ZNF804B: variants seen among roughly 807,000 people sequenced by gnomAD.
ZNF804B encodes zinc finger 804B.
Under a neutral mutation model 101.4 loss-of-function variants are expected in ZNF804B, and 80 were observed. That is an observed-to-expected ratio of 0.79 (90% CI 0.66 to 0.95). ZNF804B has a LOEUF of 0.95. ZNF804B is among the 40% of genes least tolerant of loss of function. ZNF804B has a pLI of 0.00. For synonymous variants in ZNF804B, 622 were observed against 558.8 expected (o/e 1.11, Z -1.59); for missense variants, 1,673 against 1,561.9 (o/e 1.07, Z -1.20).
intron 2 of ZNF804B, among the ~76,000 whole-genome samples, chr7:89,269,294 A>G (rs1474318205): frequency 6.6e-6 from 1 of 151,840 alleles, no homozygotes; most frequent in Non-Finnish European, 1.5e-5. Context: ...ATTCCCACCT[A>G]TGAGTGAGAA....
chr7:88,898,716 G>T (rs1233107399), intron 1 of ZNF804B, among the ~76,000 whole-genome samples: 2 of 152,030 alleles, frequency 1.3e-5, no homozygotes, highest in African/African-American at 4.8e-5. Context: ...ATTTACTTTT[G>T]CTTTCAAATG....
At chr7:88,931,063 T>C (rs2116019452) in intron 1 of ZNF804B, among the ~76,000 whole-genome samples, 1 of 152,000 alleles carries the variant, frequency 6.6e-6, no homozygotes, top group South Asian at 2.1e-4. Flanking sequence ...TGTCACTGGC[T>C]CAGGGGATTT....
intron 1 of ZNF804B, among the ~76,000 whole-genome samples, chr7:89,093,575 C>T (rs2106940): frequency 0.46 from 69,919 of 152,112 alleles, 16,772 homozygotes; most frequent in Non-Finnish European, 0.53. Context: ...AGTTCTGTTA[C>T]CCTAAAAATG....
rs1404182391 is a variant in ZNF804B, at chr7:89,093,930, C to G, written c.109-124225C>G. 3.3e-5 allele frequency among the ~76,000 whole-genome samples: 5 copies of G among 152,320 alleles called. No individual in the cohort carries two copies. In the East Asian group the frequency reaches 5.8e-4, roughly 18 times the overall value. On this transcript the variant is annotated intron_variant, in intron 1 of 3. Coordinates refer to ENST00000333190, the MANE Select transcript of ZNF804B (RefSeq NM_181646.5). ...ACTCAAATTGTTGTGGGATAGCTCCCTTCACTACTGATTGGCAGCTTACCC... is the reference window on the plus strand; with the variant it reads ...ACTCAAATTGTTGTGGGATAGCTCCGTTCACTACTGATTGGCAGCTTACCC...
At position 89,260,035 on chromosome 7, in the gene ZNF804B, A is replaced by C. The variant is rs140981353; in HGVS notation, c.249+41740A>C. 2.7e-3 allele frequency among the ~76,000 whole-genome samples: 404 copies of C among 152,198 alleles called. 1 individual carries two copies. Among genetic ancestry groups the C allele is most frequent in the African/African-American group, 8.7e-3 (360 of 41,552 alleles). On this transcript the variant is annotated intron_variant, in intron 2 of 3. Coordinates refer to ENST00000333190, the MANE Select transcript of ZNF804B (RefSeq NM_181646.5). ...GAGAGAGGGAGAGAGGGAGAGAAAG[A>C]AAGAAAGGAAGGAAAGGAAGAAAAG...
At chr7:88,823,287 A>G (rs1161793489) in intron 1 of ZNF804B, among the ~76,000 whole-genome samples, 3 of 152,230 alleles carry the variant, frequency 2.0e-5, no homozygotes, top group African/African-American at 7.2e-5. Flanking sequence ...GCATATATAC[A>G]GTAGTGAGTG....
chr7:89,061,521 A>G (rs1314156247), intron 1 of ZNF804B, among the ~76,000 whole-genome samples: 1 of 152,026 alleles, frequency 6.6e-6, no homozygotes, highest in Non-Finnish European at 1.5e-5. Flanking sequence ...TATTCAAAAC[A>G]GTCCATGCCC....
rs1791098954 is a variant in ZNF804B at position 89,336,674 on chromosome 7, CTATTGCTCA to C, written c.3694_3702del (p.Ile1232_His1234del). ...TTAAGTTCTCATAGCAGTCACCTCCCTATTGCTCATCTACATCCTCTTTCACAGGCACAT... is the reference window on the plus strand; with the variant it reads ...TTAAGTTCTCATAGCAGTCACCTCCCTCTACATCCTCTTTCACAGGCACAT... On this transcript the variant is annotated inframe_deletion, in exon 4 of 4. Coordinates refer to ENST00000333190, the MANE Select transcript of ZNF804B (RefSeq NM_181646.5). 1 of 1,613,984 alleles carries C rather than the reference CTATTGCTCA, an allele frequency of 6.2e-7. No homozygotes were observed. Among genetic ancestry groups the C allele is most frequent in the African/African-American group, 1.3e-5 (1 of 74,910 alleles).
intron 1 of ZNF804B, among the ~76,000 whole-genome samples, chr7:89,053,424 A>G (rs1032871010): frequency 3.3e-5 from 5 of 152,098 alleles, no homozygotes; most frequent in Non-Finnish European, 7.4e-5. Context: ...ACTGAATAAT[A>G]AAGTAGACTT....
intron 1 of ZNF804B, among the ~76,000 whole-genome samples, chr7:88,844,895 G>A (rs1032582381): frequency 6.6e-6 from 1 of 152,118 alleles, no homozygotes; most frequent in African/African-American, 2.4e-5. Context: ...AGACCATTTT[G>A]TCTCTTGAAT....
At chr7:88,847,960 G>A (rs772814345) in intron 1 of ZNF804B, among the ~76,000 whole-genome samples, 7 of 152,266 alleles carry the variant, frequency 4.6e-5, no homozygotes, top group Middle Eastern at 3.4e-3. Context: ...TCACAGACAT[G>A]AATCAGCATA....
At chr7:89,265,303 C>CGCGCGCGT (rs143178076) in intron 2 of ZNF804B, among the ~76,000 whole-genome samples, 154 of 135,990 alleles carry the variant, frequency 1.1e-3, no homozygotes, top group African/African-American at 3.7e-3. Flanking sequence ...TGCGCGTGCG[C>CGCGCGCGT]GCGCGCACAC....
chr7:89,271,070 C>A (rs1029822635), intron 2 of ZNF804B, among the ~76,000 whole-genome samples: 3 of 152,128 alleles, frequency 2.0e-5, no homozygotes, highest in Non-Finnish European at 4.4e-5. Flanking sequence ...CTTTCTCCTG[C>A]CTGATTGTCC....
chr7:89,260,480 C>T (rs1328807261), intron 2 of ZNF804B, among the ~76,000 whole-genome samples: 1 of 152,112 alleles, frequency 6.6e-6, no homozygotes, highest in Non-Finnish European at 1.5e-5. Flanking sequence ...GTTTCCCCTG[C>T]TGTCTTGACA....
At chr7:88,884,822 C>T (rs1417111125) in intron 1 of ZNF804B, among the ~76,000 whole-genome samples, 1 of 151,672 alleles carries the variant, frequency 6.6e-6, no homozygotes, top group East Asian at 1.9e-4. Context: ...ATTTTTATTT[C>T]ATTATGAAAT....
intron 1 of ZNF804B, among the ~76,000 whole-genome samples, chr7:88,786,893 A>G (rs1467324996): frequency 1.3e-5 from 2 of 152,190 alleles, no homozygotes; most frequent in African/African-American, 4.8e-5. Flanking sequence ...CACTAAATAT[A>G]CAAATGAAAA....
At chr7:89,165,207 C>G (rs963265317) in intron 1 of ZNF804B, among the ~76,000 whole-genome samples, 2 of 152,028 alleles carry the variant, frequency 1.3e-5, no homozygotes, top group African/African-American at 2.4e-5. Flanking sequence ...GCCATTCTTA[C>G]AGTCTGAAAT....
chr7:89,034,782 G>A (rs186189065), intron 1 of ZNF804B, among the ~76,000 whole-genome samples: 1 of 152,126 alleles, frequency 6.6e-6, no homozygotes, highest in East Asian at 1.9e-4. Context: ...GGGATTGCTG[G>A]GTCAAATGGT....
chr7:89,115,431 G>C (rs549212290), intron 1 of ZNF804B, among the ~76,000 whole-genome samples: 61 of 152,254 alleles, frequency 4.0e-4, no homozygotes, highest in African/African-American at 1.4e-3. Context: ...CCCACCCCAG[G>C]GAGATGCATC....
Sources: gnomAD v4.1 joint callset for allele counts (sites outside exome capture counted in the v4.1 genomes callset) on GRCh38, gnomAD v4.1.1 for gene constraint, MANE v1.5 for transcripts, NCBI Gene and HGNC (gene_info 2026-07-23, HGNC 2026-07-21) for gene names.